Variants in GGH observed in about 807,000 individuals in gnomAD.
GGH encodes gamma-glutamyl hydrolase.
In GGH, 18 loss-of-function variants were observed where a neutral mutation model predicts 39.2. That is an observed-to-expected ratio of 0.46 (90% CI 0.32 to 0.68). GGH has a LOEUF of 0.68. Ranked by LOEUF, GGH falls within the 30% of genes least tolerant of loss-of-function variation. GGH has a pLI of 0.04. For missense variants in GGH, 367 were observed against 384.1 expected, an observed-to-expected ratio of 0.96 and a Z score of 0.37; for synonymous variants, 147 against 138.8, an observed-to-expected ratio of 1.06 and a Z score of -0.42.
chr8:63,035,541 G>C (rs1804889943), intron 2 of GGH, 115 bp downstream of exon 2: 2 of 1,427,978 alleles, frequency 1.4e-6, no homozygotes, highest in Non-Finnish European at 1.8e-6. Context: ...CCTGACCTCA[G>C]TAGTCCACCC....
intron 7 of GGH, chr8:63,017,865 G>A (rs979805511): frequency 1.3e-5 from 5 of 389,802 alleles, no homozygotes; most frequent in Non-Finnish European, 2.3e-5. Flanking sequence ...TTTGCTTTTC[G>A]AGATACTCAT....
intron 1 of GGH, 120 bp from the exon 2 acceptor site, chr8:63,035,890 G>A: frequency 3.2e-6 from 3 of 935,236 alleles, no homozygotes; most frequent in Non-Finnish European, 4.7e-6. Flanking sequence ...TAAATAGGAA[G>A]TCTCTCCTCC....
intron 5 of GGH, chr8:63,024,931 T>C (rs185019349): frequency 3.3e-4 from 51 of 152,312 alleles, no homozygotes; most frequent in African/African-American, 1.2e-3. Context: ...TTTTTGCAAT[T>C]ATTAAGTGAG....
intron 2 of GGH, among the ~76,000 whole-genome samples, chr8:63,034,195 T>C (rs1490081840): frequency 2.0e-5 from 3 of 151,646 alleles, no homozygotes; most frequent in Non-Finnish European, 4.4e-5. Flanking sequence ...TGGCGTTATA[T>C]GGGCTTCAAA....
rs371749964 is a variant in GGH at position 63,024,175 on chromosome 8, T to C, written c.511A>G (p.Ser171Gly). Residue 171 changes from serine to glycine, a missense_variant, in exon 6 of 9, where the codon AGC becomes GGC. By Grantham distance (56) the Ser-to-Gly change is moderately conservative. Coordinates refer to ENST00000260118, the MANE Select transcript of GGH (RefSeq NM_003878.3). The part of the protein sequence containing the change: ...PLNFTGGQLH[S>G]RMFQNFPTEL... ...GTAGGAAAATTCTGGAACATTCTGC[T>C]GTGCAATTGACCTGAAATAATTTAA... 3 of 1,592,998 alleles carry C rather than the reference T, an allele frequency of 1.9e-6. No individual in the cohort carries two copies. Among genetic ancestry groups the C allele is most frequent in the African/African-American group, 1.3e-5 (1 of 74,520 alleles).
intron 5 of GGH, chr8:63,024,798 T>A (rs1057406821): frequency 6.6e-6 from 1 of 152,210 alleles, no homozygotes; most frequent in African/African-American, 2.4e-5. Context: ...ACCAGGCCCC[T>A]TATTCTTACT....
Position 63,035,639 on chromosome 8 carries a change from A to AG in GGH, c.224+16_224+17insC. The AG allele has an allele frequency of 6.3e-7, 1 of 1,580,666 alleles. No homozygotes were observed. The highest frequency in any genetic ancestry group is 2.2e-5 in the East Asian group (1 of 44,642). ...TTTTATACAGAGTAAAAAAAAAAAA[A>AG]AAACACTGAATCATACCTTACTGGT... is the stretch of plus-strand genomic sequence containing the variant. On this transcript the variant is annotated intron_variant, in intron 2 of 8. Coordinates refer to ENST00000260118, the MANE Select transcript of GGH (RefSeq NM_003878.3).
At chr8:63,031,941 T>C (rs536910751) in intron 2 of GGH, among the ~76,000 whole-genome samples, 95 of 152,344 alleles carry the variant, frequency 6.2e-4, no homozygotes, top group African/African-American at 2.1e-3. Context: ...AAGGCATTGT[T>C]GCCAATGGGG....
In GGH at chr8:63,015,225, T is replaced by C. The variant is rs1317723310; in HGVS notation, c.*107A>G. 1 of 589,014 alleles carries C rather than the reference T, an allele frequency of 1.7e-6. No individual in the cohort carries two copies. The highest frequency in any genetic ancestry group is 1.9e-5 in the African/African-American group (1 of 52,600). 36.5% of individuals were successfully genotyped at this position (589,014 alleles called of 1,614,324 possible). The stretch of plus-strand genomic sequence containing the variant: ...AATGAAGAATCAGAGCCAGGCACAT[T>C]ATAGAAAAGAATCTGTGACTTCCTA... On this transcript the variant is annotated 3_prime_UTR_variant, in exon 9 of 9. Coordinates refer to ENST00000260118, the MANE Select transcript of GGH (RefSeq NM_003878.3).
At chr8:63,026,340 T>C (rs1281792065) in intron 4 of GGH, 44 bp from the exon 5 acceptor site, 1 of 1,516,322 alleles carries the variant, frequency 6.6e-7, no homozygotes, top group Non-Finnish European at 9.0e-7. Context: ...TTCAAACTTT[T>C]CAAAATAAAA....
chr8:63,025,607 T>C (rs1804669015), intron 5 of GGH, among the ~76,000 whole-genome samples: 1 of 152,066 alleles, frequency 6.6e-6, no homozygotes, highest in Non-Finnish European at 1.5e-5. Context: ...GTAGGGTGCC[T>C]GTAGTCCCAG....
intron 7 of GGH, among the ~76,000 whole-genome samples, chr8:63,021,513 T>G (rs763045558): frequency 1.1e-4 from 17 of 152,178 alleles, no homozygotes; most frequent in Non-Finnish European, 8.8e-5. Context: ...AGCAGGCTTC[T>G]TAATTTCGCC....
At chr8:63,033,135 T>C (rs1682201136) in intron 2 of GGH, among the ~76,000 whole-genome samples, 2 of 152,238 alleles carry the variant, frequency 1.3e-5, no homozygotes, top group Admixed American at 1.3e-4. Context: ...AAGAGAAGGT[T>C]AAGTATTTCC....
Position 63,038,572 on chromosome 8 carries a change from C to G in GGH, c.109+88G>C, listed in dbSNP as rs1375416849. 1.7e-5 allele frequency: 11 copies of G among 655,652 alleles called. No individual in the cohort carries two copies. In the East Asian group the frequency reaches 3.6e-4, roughly 22 times the overall value. The allele number at this position is 655,652 out of a possible 1,614,324, so 40.6% of individuals were successfully genotyped here. A position where few individuals can be genotyped will look rare whatever the true frequency, so the allele number is the denominator to read the frequency against. ...CATCTGGGGGTTTTTCCCGGCGGGA[C>G]GCGCCAGCTGGAGCGCGGCGGCGGG... On this transcript the variant is annotated intron_variant, in intron 1 of 8. Transcript: ENST00000260118.
chr8:63,023,097 GA>G (rs1804624016), intron 7 of GGH, among the ~76,000 whole-genome samples: 1 of 152,148 alleles, frequency 6.6e-6, no homozygotes, highest in African/African-American at 2.4e-5. Context: ...AGCCTGGGAT[GA>G]ATGTCTGGTC....
At chr8:63,026,353 T>C in intron 4 of GGH, 57 bp from the exon 5 acceptor site, 1 of 1,399,078 alleles carries the variant, frequency 7.1e-7, no homozygotes, top group Non-Finnish European at 9.9e-7. Flanking sequence ...AAATAAAAAT[T>C]AGCCATATCT....
chr8:63,017,318 C>T, intron 8 of GGH, 175 bp downstream of exon 8: 1 of 508,262 alleles, frequency 2.0e-6, no homozygotes, highest in Non-Finnish European at 3.4e-6. Flanking sequence ...TATTAGAATA[C>T]CTTACATCTT....
intron 4 of GGH, 75 bp downstream of exon 4, chr8:63,027,106 T>C (rs961541147): frequency 5.1e-6 from 4 of 789,268 alleles, no homozygotes; most frequent in Admixed American, 3.4e-5. Context: ...CATTACCATC[T>C]GCTTAAAAAA....
At chr8:63,025,588 C>A (rs1317904852) in intron 5 of GGH, among the ~76,000 whole-genome samples, 1 of 152,056 alleles carries the variant, frequency 6.6e-6, no homozygotes, top group African/African-American at 2.4e-5. Flanking sequence ...CAAAATTCAG[C>A]CAGGTGTGGT....
Sources: allele counts gnomAD v4.1 joint callset (sites outside exome capture counted in the v4.1 genomes callset), GRCh38; gene constraint gnomAD v4.1.1; transcripts MANE v1.5; gene names NCBI Gene and HGNC (gene_info 2026-07-23, HGNC 2026-07-21).